Variants in SLC25A48 observed in about 807,000 individuals in gnomAD.
SLC25A48 encodes solute carrier family 25 member 48, also known as CTC-321K16.1.
SLC25A48 carries 29 observed loss-of-function variants against 32.2 expected under a neutral mutation model. The ratio of observed to expected loss-of-function variants is 0.90; its 90% confidence interval spans 0.67 to 1.23. The LOEUF is 1.23. Among genes scored for constraint, SLC25A48 ranks in the 50% most tolerant of loss-of-function variants. SLC25A48 has a pLI of 0.00. For missense variants in SLC25A48, 399 were observed against 422.7 expected, an observed-to-expected ratio of 0.94 and a Z score of 0.49; for synonymous variants, 164 against 172.3, an observed-to-expected ratio of 0.95 and a Z score of 0.38.
intron 3 of SLC25A48, among the ~76,000 whole-genome samples, chr5:135,673,784 A>G (rs1456910822): frequency 6.6e-6 from 1 of 152,030 alleles, no homozygotes; most frequent in Admixed American, 6.6e-5. Flanking sequence ...TGCCAAGTCC[A>G]GTCATTTAGA....
chr5:135,584,068 A>G (rs1008889383), intron 1 of SLC25A48, among the ~76,000 whole-genome samples: 1 of 152,250 alleles, frequency 6.6e-6, no homozygotes, highest in Non-Finnish European at 1.5e-5. Flanking sequence ...ACAGCCAGGC[A>G]GTATTGAATT....
intron 3 of SLC25A48, among the ~76,000 whole-genome samples, chr5:135,637,945 C>T (rs768450560): frequency 2.0e-5 from 3 of 152,310 alleles, no homozygotes; most frequent in Non-Finnish European, 4.4e-5. Flanking sequence ...TTTTTCATCA[C>T]TTATTCTATT....
At chr5:135,866,708 A>G (rs1403333425) in intron 4 of SLC25A48, among the ~76,000 whole-genome samples, 12 of 152,274 alleles carry the variant, frequency 7.9e-5, no homozygotes, top group Non-Finnish European at 2.9e-5. Flanking sequence ...CTGCAGAGCC[A>G]GATAGCCATG....
chr5:135,650,276 C>A, intron 3 of SLC25A48: 1 of 385,126 alleles, frequency 2.6e-6, no homozygotes, highest in Non-Finnish European at 5.1e-6. Context: ...AATTGCTACT[C>A]AAAGTTTGGT....
In SLC25A48 at chr5:135,630,588, CTTTTTTTTTTTT is replaced by C. The variant is rs869088370; in HGVS notation, c.-709+1234_-709+1245del. On this transcript the variant is annotated intron_variant, in intron 2 of 10. Transcript: ENST00000646290. ...AGGGGAAGATGGTTAGGCTGGGCAC[CTTTTTTTTTTTT>C]TTTTTTTTTTTTTTTTTTTTTGAGA... Among the ~76,000 whole-genome samples the C allele has an allele frequency of 3.9e-3, 227 of 58,938 alleles. 1 individual carries two copies. The highest frequency in any genetic ancestry group is 0.01 in the African/African-American group (170 of 16,374). 38.7% of individuals were successfully genotyped at this position (58,938 alleles called of 152,430 possible). A position where few individuals can be genotyped will look rare whatever the true frequency, so the allele number is the denominator to read the frequency against.
At chr5:135,856,225 C>A (rs907935361) in intron 4 of SLC25A48, among the ~76,000 whole-genome samples, 1 of 152,262 alleles carries the variant, frequency 6.6e-6, no homozygotes. Context: ...AAGGCTGGAC[C>A]CATAGTCCTT....
At chr5:135,868,949 G>C (rs1581035150) in intron 4 of SLC25A48, among the ~76,000 whole-genome samples, 1 of 152,248 alleles carries the variant, frequency 6.6e-6, no homozygotes. Context: ...CTTAGGCAAA[G>C]TTTAGACACT....
intron 3 of SLC25A48, among the ~76,000 whole-genome samples, chr5:135,760,319 T>C (rs540969735): frequency 6.6e-6 from 1 of 152,300 alleles, no homozygotes; most frequent in Non-Finnish European, 1.5e-5. Context: ...CTGGCTCAGT[T>C]GCCAACAGAT....
chr5:135,865,803 A>G (rs1235535087), intron 4 of SLC25A48, among the ~76,000 whole-genome samples: 1 of 152,184 alleles, frequency 6.6e-6, no homozygotes, highest in Non-Finnish European at 1.5e-5. Context: ...TTAATATGGA[A>G]AATGTGGTCC....
At chr5:135,726,650 T>C (rs888254567) in intron 3 of SLC25A48, among the ~76,000 whole-genome samples, 5 of 152,228 alleles carry the variant, frequency 3.3e-5, no homozygotes, top group Admixed American at 6.5e-5. Flanking sequence ...CAATAGTGTG[T>C]TCCTTTTTAT....
rs33918902 is a variant in SLC25A48 at position 135,728,841 on chromosome 5, TACACACACACACACAC to T, written c.-520-83654_-520-83639del. Among the ~76,000 whole-genome samples, 382 of 141,664 alleles carry T rather than the reference TACACACACACACACAC, an allele frequency of 2.7e-3. 3 individuals are homozygous for T. Among genetic ancestry groups the T allele is most frequent in the African/African-American group, 9.9e-3 (364 of 36,636 alleles). The allele number at this position is 141,664 out of a possible 152,430, so 92.9% of individuals were successfully genotyped here. Reference sequence around the variant, plus strand: ...AATTTCCCCTGAACACATACACAAATACACACACACACACACACACACACACACACACACACACACA... The same window carrying T: ...AATTTCCCCTGAACACATACACAAATACACACACACACACACACACACACA... On this transcript the variant is annotated intron_variant, in intron 3 of 10. Coordinates refer to the SLC25A48 transcript ENST00000646290.
At chr5:135,689,339 T>C (rs897451160) in intron 3 of SLC25A48, among the ~76,000 whole-genome samples, 2 of 152,136 alleles carry the variant, frequency 1.3e-5, no homozygotes, top group African/African-American at 4.8e-5. Context: ...CTCCATACAA[T>C]AGACCCTCCT....
chr5:135,655,971 C>T (rs1316537085), intron 3 of SLC25A48, among the ~76,000 whole-genome samples: 1 of 152,126 alleles, frequency 6.6e-6, no homozygotes, highest in Non-Finnish European at 1.5e-5. Flanking sequence ...CATGATTGCC[C>T]TCTTTCTGTC....
intron 3 of SLC25A48, among the ~76,000 whole-genome samples, chr5:135,851,172 T>A (rs6898302): frequency 0.047 from 7,173 of 152,262 alleles, 551 homozygotes; most frequent in African/African-American, 0.16. Context: ...GGTCCCACTG[T>A]AGCCATTGTC....
rs112402886 is a variant in SLC25A48, at chr5:135,865,608, A to G, written c.422-5853A>G. On this transcript the variant is annotated intron_variant, in intron 4 of 7. Coordinates refer to ENST00000681962, the MANE Select transcript of SLC25A48 (RefSeq NM_001349336.2). ...GCCTAAGTCAGGCGCTCCATTGTCC[A>G]TGGAGTAGATGCTGAGATATATATG... 2.1e-3 allele frequency among the ~76,000 whole-genome samples: 325 copies of G among 152,242 alleles called. 3 individuals are homozygous for G. The highest frequency in any genetic ancestry group is 0.01 in the East Asian group (53 of 5,174).
intron 7 of SLC25A48, 45 bp downstream of exon 7, chr5:135,880,142 G>GA: frequency 6.7e-7 from 1 of 1,490,740 alleles, no homozygotes; most frequent in Non-Finnish European, 8.9e-7. Context: ...CCAGGAACTT[G>GA]AAACTTTTTT....
intron 3 of SLC25A48, among the ~76,000 whole-genome samples, chr5:135,785,915 C>T (rs566622575): frequency 9.5e-4 from 143 of 150,524 alleles, no homozygotes; most frequent in African/African-American, 3.4e-3. Flanking sequence ...GTAGAGCATC[C>T]TTCTTGTCCC....
At chr5:135,618,160 T>C (rs991534624) in intron 1 of SLC25A48, among the ~76,000 whole-genome samples, 5 of 152,312 alleles carry the variant, frequency 3.3e-5, no homozygotes, top group African/African-American at 1.2e-4. Context: ...CCCTTTATCA[T>C]ACAATGACCT....
chr5:135,720,244 A>G (rs1197163068), intron 3 of SLC25A48, among the ~76,000 whole-genome samples: 1 of 152,194 alleles, frequency 6.6e-6, no homozygotes, highest in Non-Finnish European at 1.5e-5. Context: ...CAGCTGAGGT[A>G]AGACAGCTGC....
Sources: allele counts gnomAD v4.1 joint callset (sites outside exome capture counted in the v4.1 genomes callset), GRCh38; gene constraint gnomAD v4.1.1; transcripts MANE v1.5; gene names NCBI Gene and HGNC (gene_info 2026-07-23, HGNC 2026-07-21).